The following MACROD2 variants were observed in gnomAD, a reference collection of about 807,000 sequenced individuals.
The protein encoded by MACROD2 is mono-ADP ribosylhydrolase 2.
MACROD2 carries 36 observed loss-of-function variants against 70.4 expected under a neutral mutation model. That is an observed-to-expected ratio of 0.51 (90% CI 0.39 to 0.68). MACROD2 has a LOEUF of 0.68. MACROD2 is among the 30% of genes least tolerant of loss of function. The pLI is 0.00. For synonymous variants in MACROD2, 172 were observed against 178.8 expected (o/e 0.96, Z 0.30); for missense variants, 496 against 538.4 (o/e 0.92, Z 0.78).
At chr20:15,050,560 G>C (rs1431673927) in intron 5 of MACROD2, among the ~76,000 whole-genome samples, 1 of 8,740 alleles carries the variant, frequency 1.1e-4, no homozygotes, top group Non-Finnish European at 2.9e-4. Context: ...TTTTTTTTTT[G>C]AGATGGAGTC....
intron 6 of MACROD2, among the ~76,000 whole-genome samples, chr20:15,281,194 G>A (rs1479483667): frequency 6.6e-6 from 1 of 152,182 alleles, no homozygotes; most frequent in Non-Finnish European, 1.5e-5. Flanking sequence ...AGGGATTGTA[G>A]GTATTACAAC....
At chr20:15,989,425 A>T (rs2066528119) in intron 15 of MACROD2, among the ~76,000 whole-genome samples, 1 of 152,138 alleles carries the variant, frequency 6.6e-6, no homozygotes, top group South Asian at 2.1e-4. Flanking sequence ...GGTGGAAGGC[A>T]TTTCTCTCCA....
At chr20:15,990,807 C>T (rs2066547698) in intron 15 of MACROD2, among the ~76,000 whole-genome samples, 1 of 152,106 alleles carries the variant, frequency 6.6e-6, no homozygotes, top group South Asian at 2.1e-4. Context: ...CCTGGCAATC[C>T]TTAAACTTCG....
intron 8 of MACROD2, among the ~76,000 whole-genome samples, chr20:15,825,565 C>G (rs73898513): frequency 6.6e-6 from 1 of 151,496 alleles, no homozygotes; most frequent in East Asian, 1.9e-4. Flanking sequence ...GTGGCCCAAT[C>G]TTGGCTCACT....
At chr20:15,623,358 C>A (rs565577577) in intron 8 of MACROD2, among the ~76,000 whole-genome samples, 1 of 152,172 alleles carries the variant, frequency 6.6e-6, no homozygotes, top group Non-Finnish European at 1.5e-5. Flanking sequence ...AACTTACATG[C>A]GCATCAAACA....
chr20:14,007,772 G>A (rs2052843219), intron 2 of MACROD2, among the ~76,000 whole-genome samples: 1 of 152,134 alleles, frequency 6.6e-6, no homozygotes, highest in Non-Finnish European at 1.5e-5. Context: ...AGTAGTGTTG[G>A]CAGAGACTCT....
At chr20:14,855,293 G>C (rs1384446559) in intron 5 of MACROD2, among the ~76,000 whole-genome samples, 4 of 152,100 alleles carry the variant, frequency 2.6e-5, no homozygotes, top group Non-Finnish European at 4.4e-5. Context: ...GGAACTGGCT[G>C]TCTTCATTAA....
chr20:15,445,796 GA>G (rs1193013423), intron 7 of MACROD2, among the ~76,000 whole-genome samples: 1 of 152,102 alleles, frequency 6.6e-6, no homozygotes, highest in South Asian at 2.1e-4. Flanking sequence ...ATGAGACCCA[GA>G]GTTGCTGAGT....
At chr20:15,167,092 A>C (rs1426777379) in intron 5 of MACROD2, among the ~76,000 whole-genome samples, 3 of 152,118 alleles carry the variant, frequency 2.0e-5, no homozygotes, top group Non-Finnish European at 4.4e-5. Flanking sequence ...TCTTCAGAAA[A>C]ATTACTGGAA....
Position 14,061,719 on chromosome 20 carries a change from A to G in MACROD2, c.164-23902A>G, listed in dbSNP as rs76739608. ...ATTTAGCATTACCAGCATCTTAAGC[A>G]TAGCTGTAGTTACATATCCTTCCAT... On this transcript the variant is annotated intron_variant, in intron 2 of 17. Coordinates refer to ENST00000684519, the MANE Select transcript of MACROD2 (RefSeq NM_001351661.2). Among the ~76,000 whole-genome samples, 332 of 152,304 alleles carry G rather than the reference A, an allele frequency of 2.2e-3. 2 individuals carry two copies. The highest frequency in any genetic ancestry group is 7.5e-3 in the African/African-American group (313 of 41,578).
chr20:14,265,081 T>C (rs1334287141), intron 3 of MACROD2, among the ~76,000 whole-genome samples: 1 of 152,242 alleles, frequency 6.6e-6, no homozygotes, highest in African/African-American at 2.4e-5. Flanking sequence ...CCCTCTGCTG[T>C]TCATTCAAAT....
chr20:15,486,035 T>A (rs1266715362), intron 7 of MACROD2, among the ~76,000 whole-genome samples: 1 of 152,170 alleles, frequency 6.6e-6, no homozygotes, highest in Non-Finnish European at 1.5e-5. Flanking sequence ...GTTTAAGAAG[T>A]TTCCTTTGGG....
At chr20:14,812,180 A>G (rs1195592048) in intron 5 of MACROD2, among the ~76,000 whole-genome samples, 1 of 152,058 alleles carries the variant, frequency 6.6e-6, no homozygotes, top group Non-Finnish European at 1.5e-5. Context: ...ACCCACCCAA[A>G]TGTTCATCAA....
rs1294231958 is a variant in MACROD2, at chr20:15,265,618, G to T, written c.540+35557G>T. On this transcript the variant is annotated intron_variant, in intron 6 of 17. Coordinates refer to ENST00000684519, the MANE Select transcript of MACROD2 (RefSeq NM_001351661.2). Reference sequence around the variant, plus strand: ...AGGGACAAATCACAAGAATGTTCCAGTTAAATTTATATTTTCTGTAAATAT... The same window carrying T: ...AGGGACAAATCACAAGAATGTTCCATTTAAATTTATATTTTCTGTAAATAT... Among the ~76,000 whole-genome samples, 4 of 152,170 alleles carry T rather than the reference G, an allele frequency of 2.6e-5. No homozygotes were observed. In the East Asian group the frequency reaches 7.7e-4, roughly 29 times the overall value.
chr20:15,609,455 G>A (rs1333052391), intron 8 of MACROD2, among the ~76,000 whole-genome samples: 1 of 152,172 alleles, frequency 6.6e-6, no homozygotes, highest in Non-Finnish European at 1.5e-5. Flanking sequence ...GACTAAACTG[G>A]AACACACCAT....
At chr20:15,833,075 G>A (rs2064074741) in intron 8 of MACROD2, among the ~76,000 whole-genome samples, 1 of 152,000 alleles carries the variant, frequency 6.6e-6, no homozygotes, top group African/African-American at 2.4e-5. Context: ...TTTTTGCACA[G>A]CCCCTTGGGA....
At chr20:15,358,863 A>G (rs1353987656) in intron 6 of MACROD2, among the ~76,000 whole-genome samples, 2 of 151,206 alleles carry the variant, frequency 1.3e-5, no homozygotes, top group Non-Finnish European at 2.9e-5. Flanking sequence ...CACCCTCATT[A>G]TTTAATCTAA....
At chr20:14,556,579 T>C (rs1171255173) in intron 4 of MACROD2, among the ~76,000 whole-genome samples, 1 of 152,066 alleles carries the variant, frequency 6.6e-6, no homozygotes, top group Non-Finnish European at 1.5e-5. Flanking sequence ...AACTCACATC[T>C]TACTCCCTCC....
chr20:15,234,018 T>TC (rs2076989205), intron 6 of MACROD2, among the ~76,000 whole-genome samples: 1 of 10,740 alleles, frequency 9.3e-5, no homozygotes, highest in Non-Finnish European at 1.8e-4. Context: ...TATTCTTTTT[T>TC]TTTTTTTTTT....
Sources: gnomAD v4.1 joint callset for allele counts (sites outside exome capture counted in the v4.1 genomes callset) on GRCh38, gnomAD v4.1.1 for gene constraint, MANE v1.5 for transcripts, NCBI Gene and HGNC (gene_info 2026-07-23, HGNC 2026-07-21) for gene names.